WDR48: variants seen among roughly 807,000 people sequenced by gnomAD.
The protein encoded by WDR48 is WD repeat-containing protein 48.
A neutral mutation model predicts 94.0 loss-of-function variants in WDR48; 22 were observed. The observed-to-expected ratio is 0.23, with a 90% confidence interval of 0.17 to 0.33. The LOEUF (loss-of-function observed/expected upper bound fraction) is 0.33, where lower values mean the gene tolerates loss of function less well. WDR48 is among the 10% of genes least tolerant of loss of function. The probability of loss-of-function intolerance (pLI) is 1.00; values close to 1 mark genes in which losing one functional copy is unlikely to be tolerated. For synonymous variants in WDR48, 278 were observed against 280.5 expected (o/e 0.99, Z 0.09); for missense variants, 541 against 813.8 (o/e 0.66, Z 4.08).
intron 1 of WDR48, among the ~76,000 whole-genome samples, chr3:39,055,123 G>A (rs989864649): frequency 6.6e-6 from 1 of 152,172 alleles, no homozygotes; most frequent in African/African-American, 2.4e-5. Context: ...CAGACCACGA[G>A]ACAGTAGCCC....
At chr3:39,060,345 G>A (rs554410805) in intron 1 of WDR48, among the ~76,000 whole-genome samples, 1 of 151,972 alleles carries the variant, frequency 6.6e-6, no homozygotes, top group African/African-American at 2.4e-5. Context: ...TGTAAAATAT[G>A]TGGCTTCTTT....
intron 1 of WDR48, chr3:39,052,355 G>C (rs529962087): frequency 4.6e-6 from 2 of 432,450 alleles, no homozygotes; most frequent in South Asian, 2.4e-5. Flanking sequence ...GACTTGCGGG[G>C]TCGGGATAGG....
At chr3:39,077,024 A>G in intron 8 of WDR48, 115 bp from the exon 9 acceptor site, 2 of 1,127,906 alleles carry the variant, frequency 1.8e-6, no homozygotes, top group Admixed American at 2.1e-5. Context: ...ACACATGCCC[A>G]GGTATAGTCA....
chr3:39,079,840 G>A (rs752340996), intron 11 of WDR48, 32 bp downstream of exon 11: 1 of 1,341,594 alleles, frequency 7.5e-7, no homozygotes, highest in Non-Finnish European at 1.0e-6. Context: ...AATATAGGTT[G>A]TTAGATTGTA....
chr3:39,054,359 T>C (rs2032709150), intron 1 of WDR48, among the ~76,000 whole-genome samples: 1 of 152,204 alleles, frequency 6.6e-6, no homozygotes, highest in Admixed American at 6.5e-5. Flanking sequence ...TTTGGCATCA[T>C]CCCTGGCTTC....
chr3:39,075,190 CTTTTTTTTTTTTT>C (rs11353487), intron 8 of WDR48, among the ~76,000 whole-genome samples: 3 of 110,476 alleles, frequency 2.7e-5, no homozygotes, highest in South Asian at 6.5e-4. Context: ...TTGTGTTTTG[CTTTTTTTTTTTTT>C]TTTTTTTTTA....
At position 39,060,152 on chromosome 3, in the gene WDR48, C is replaced by T. The variant is rs187521012; in HGVS notation, c.49-2898C>T. Among the ~76,000 whole-genome samples the T allele has an allele frequency of 1.9e-3, 296 of 152,042 alleles. 1 individual carries two copies. The highest frequency in any genetic ancestry group is 6.9e-3 in the African/African-American group (288 of 41,478). On this transcript the variant is annotated intron_variant, in intron 1 of 18. Transcript: ENST00000302313. Reference sequence around the variant, plus strand: ...CAATTCAGTGATTTTTTTGTATATTCGGAAAGTTGTTTATTGGTCACCTAA... The same window carrying T: ...CAATTCAGTGATTTTTTTGTATATTTGGAAAGTTGTTTATTGGTCACCTAA...
intron 1 of WDR48, among the ~76,000 whole-genome samples, chr3:39,061,100 A>AT (rs1017333973): frequency 7.9e-5 from 12 of 152,054 alleles, no homozygotes; most frequent in Non-Finnish European, 1.3e-4. Context: ...ACTTGAGATA[A>AT]TTTTTTTTAA....
intron 11 of WDR48, among the ~76,000 whole-genome samples, chr3:39,083,312 ATTTTGTTTGG>A (rs2034632184): frequency 6.6e-6 from 1 of 152,076 alleles, no homozygotes; most frequent in African/African-American, 2.4e-5. Context: ...GAAGCTTTTG[ATTTTGTTTGG>A]TTTTGTTTGG....
chr3:39,056,764 A>G (rs2032917523), intron 1 of WDR48, among the ~76,000 whole-genome samples: 1 of 152,238 alleles, frequency 6.6e-6, no homozygotes, highest in African/African-American at 2.4e-5. Context: ...GCCTTTTCTT[A>G]TATTACTTTC....
In WDR48 at chr3:39,052,049, C is replaced by G; in HGVS notation, c.24C>G (p.Asn8Lys). 1 of 1,613,994 alleles carries G rather than the reference C, an allele frequency of 6.2e-7. No homozygotes were observed. Among genetic ancestry groups the G allele is most frequent in the Non-Finnish European group, 8.5e-7 (1 of 1,179,984 alleles). Residue 8 changes from asparagine to lysine, a missense_variant, in exon 1 of 19, where the codon AAC (asparagine) becomes AAG (lysine). By Grantham distance (94) the Asn-to-Lys change is moderately conservative (BLOSUM62 0). Coordinates refer to ENST00000302313, the MANE Select transcript of WDR48 (RefSeq NM_020839.4). ...AGATGGCGGCCCATCACCGGCAGAACACAGCAGGGCGGAGGAAAGTGCAGG... is the reference window on the plus strand; with the variant it reads ...AGATGGCGGCCCATCACCGGCAGAAGACAGCAGGGCGGAGGAAAGTGCAGG... Reference protein sequence around the residue: MAAHHRQNTAGRRKVQVS... With the variant: MAAHHRQKTAGRRKVQVS...
chr3:39,068,179 C>A (rs900379340), intron 5 of WDR48, among the ~76,000 whole-genome samples: 1 of 152,066 alleles, frequency 6.6e-6, no homozygotes, highest in Non-Finnish European at 1.5e-5. Context: ...CTAAACAGTA[C>A]ATGTAGTAAC....
chr3:39,082,855 TG>T (rs2125674161), intron 11 of WDR48, among the ~76,000 whole-genome samples: 1 of 152,256 alleles, frequency 6.6e-6, no homozygotes, highest in South Asian at 2.1e-4. Flanking sequence ...CATCAGCTTG[TG>T]GGTTACAGTT....
chr3:39,071,903 ATTAC>A (rs2033956091), intron 7 of WDR48, among the ~76,000 whole-genome samples: 2 of 152,348 alleles, frequency 1.3e-5, no homozygotes, highest in Admixed American at 1.3e-4. Flanking sequence ...AAAAACTATA[ATTAC>A]TTATTTGGAA....
chr3:39,066,759 C>T lies in WDR48; in HGVS notation c.365C>T (p.Ala122Val), dbSNP rs763786520. Residue 122 changes from alanine (A) to valine (V), a missense_variant, in exon 5 of 19, where the codon GCC becomes GTC. Transcript: ENST00000302313. ...GTTCTATTACAGGATTACGTAAAGG[C>T]CTTAGCATATGCCAAGGATAAAGAA... Reference protein sequence around the residue: ...TLRTHKDYVKALAYAKDKELV... With the variant: ...TLRTHKDYVKVLAYAKDKELV... 5 of 1,613,810 alleles carry T rather than the reference C, an allele frequency of 3.1e-6. No homozygotes were observed. The African/African-American group carries it at 5.3e-5, about 17-fold the overall frequency.
intron 11 of WDR48, among the ~76,000 whole-genome samples, chr3:39,083,524 G>A (rs1371319153): frequency 1.3e-5 from 2 of 152,086 alleles, no homozygotes; most frequent in Non-Finnish European, 2.9e-5. Context: ...GAAAGTTAAG[G>A]GGATTCTGTC....
At position 39,065,783 on chromosome 3, in the gene WDR48, A is replaced by G. The variant is rs769636426; in HGVS notation, c.190-28A>G. On this transcript the variant is annotated intron_variant, in intron 2 of 18. Transcript: ENST00000302313. ...TAATATATTTCATTCTCTCATATAAACTCTTAGGATTTTTCTTTTAATTTC... is the reference window on the plus strand; with the variant it reads ...TAATATATTTCATTCTCTCATATAAGCTCTTAGGATTTTTCTTTTAATTTC... The G allele has an allele frequency of 2.7e-5, 40 of 1,506,814 alleles. No individual in the cohort carries two copies. The Admixed American group carries it at 7.3e-4, about 28-fold the overall frequency. The allele number at this position is 1,506,814 out of a possible 1,614,324, so 93.3% of individuals were successfully genotyped here.
Position 39,095,026 on chromosome 3 carries a change from CAGA to C in WDR48, c.*284_*286del. ...ACAGAAGACTGACAACAGGCCAGTG[CAGA>C]CTTTGCTTCCTCCTTTTGTTTCAAA... On this transcript the variant is annotated 3_prime_UTR_variant, in exon 19 of 19. Coordinates refer to ENST00000302313, the MANE Select transcript of WDR48 (RefSeq NM_020839.4). The C allele has an allele frequency of 2.3e-6, 1 of 437,804 alleles. No homozygotes were observed. Among genetic ancestry groups the C allele is most frequent in the Non-Finnish European group, 4.1e-6 (1 of 245,984 alleles). 27.1% of individuals were successfully genotyped at this position (437,804 alleles called of 1,614,324 possible).
chr3:39,091,594 T>A (rs2272217), intron 16 of WDR48, 31 bp from the exon 17 acceptor site: 1 of 1,513,632 alleles, frequency 6.6e-7, no homozygotes, highest in Non-Finnish European at 9.0e-7. Flanking sequence ...TAATAGAAAC[T>A]GTTATACCTT....
Sources: allele counts gnomAD v4.1 joint callset (sites outside exome capture counted in the v4.1 genomes callset), GRCh38; gene constraint gnomAD v4.1.1; transcripts MANE v1.5; gene names NCBI Gene and HGNC (gene_info 2026-07-23, HGNC 2026-07-21).